Variants in CDKL5 observed in about 807,000 individuals in gnomAD.
CDKL5 encodes cyclin dependent kinase like 5.
In CDKL5, 8 loss-of-function variants were observed where a neutral mutation model predicts 61.7. That is an observed-to-expected ratio of 0.13 (90% CI 0.08 to 0.23). The LOEUF (loss-of-function observed/expected upper bound fraction) is 0.23. Ranked by LOEUF, CDKL5 falls within the 10% of genes least tolerant of loss-of-function variation. The pLI is 1.00. For synonymous variants in CDKL5, 275 were observed against 272.3 expected, an observed-to-expected ratio of 1.01 and a Z score of -0.10; for missense variants, 440 against 734.5, an observed-to-expected ratio of 0.60 and a Z score of 4.63.
At chrX:18,510,881 T>C (rs1313304790) in intron 3 of CDKL5, 27 bp downstream of exon 3, 22 of 1,056,504 alleles carry the variant, frequency 2.1e-5, no homozygotes, top group Non-Finnish European at 2.8e-5. Context: ...TAAAAAGAAA[T>C]ATCTGTATAT....
chrX:18,579,030 A>G (rs775006768), intron 5 of CDKL5, among the ~76,000 whole-genome samples: 13 of 111,575 alleles, frequency 1.2e-4, no homozygotes, highest in South Asian at 3.8e-4. Context: ...CAGTCTTATT[A>G]TGAATATAGT....
chrX:18,651,860 C>T (rs1928062947), intron 21 of CDKL5, among the ~76,000 whole-genome samples: 1 of 111,318 alleles, frequency 9.0e-6, no homozygotes, highest in African/African-American at 3.3e-5. Flanking sequence ...CCCCTTTCCT[C>T]TTCCTTCTGT....
Position 18,454,816 on chromosome X carries a change from A to C in CDKL5, c.-163+29121A>C, listed in dbSNP as rs916051535. ...AATGATCCACCTGCCTCATTATATC[A>C]TTTGAAAATGATATAATGTCATTGC... is the stretch of plus-strand genomic sequence containing the variant. On this transcript the variant is annotated intron_variant, in intron 1 of 17. Transcript: ENST00000623535. Among the ~76,000 whole-genome samples the C allele has an allele frequency of 1.2e-4, 13 of 109,945 alleles. No homozygotes were observed. The Admixed American group carries it at 1.3e-3, about 11-fold the overall frequency.
chrX:18,652,556 C>A (rs917879442), intron 21 of CDKL5, among the ~76,000 whole-genome samples: 2 of 111,519 alleles, frequency 1.8e-5, no homozygotes, highest in Non-Finnish European at 3.8e-5. Context: ...GTAATCCCAG[C>A]TACTTGGGAG....
chrX:18,588,649 A>G (rs1248517619), intron 9 of CDKL5: 1 of 114,036 alleles, frequency 8.8e-6, no homozygotes, highest in African/African-American at 3.3e-5. Context: ...ATGGTGGCTC[A>G]CTCCTGTAAT....
intron 1 of CDKL5, among the ~76,000 whole-genome samples, chrX:18,438,411 G>T (rs1389093447): frequency 9.0e-6 from 1 of 110,904 alleles, no homozygotes; most frequent in African/African-American, 3.3e-5. Context: ...GAAAGGAAAT[G>T]ACTCTTGAGT....
At chrX:18,521,391 T>A (rs1223336109) in intron 3 of CDKL5, among the ~76,000 whole-genome samples, 2 of 111,807 alleles carry the variant, frequency 1.8e-5, no homozygotes, top group Non-Finnish European at 1.9e-5. Context: ...GTCCAGTTTA[T>A]TTTTTCCTTT....
At chrX:18,512,832 C>G (rs949675854) in intron 3 of CDKL5, among the ~76,000 whole-genome samples, 4 of 110,734 alleles carry the variant, frequency 3.6e-5, no homozygotes, top group Non-Finnish European at 7.6e-5. Context: ...AAAAAAAATT[C>G]CTGGGTGGAT....
rs780287964 is a variant in CDKL5, at chrX:18,581,875, T to A, written c.404-16T>A. 21 of 1,141,613 alleles carry A rather than the reference T, an allele frequency of 1.8e-5. No homozygotes were observed. Among genetic ancestry groups the A allele is most frequent in the Non-Finnish European group, 2.4e-5 (20 of 834,053 alleles). The allele number at this position is 1,141,613 out of a possible 1,213,427, so 94.1% of individuals were successfully genotyped here. A position where few individuals can be genotyped will look rare whatever the true frequency, so the allele number is the denominator to read the frequency against. On this transcript the variant is annotated splice_polypyrimidine_tract_variant and intron_variant, in intron 6 of 17. Coordinates refer to ENST00000623535, the MANE Select transcript of CDKL5 (RefSeq NM_001323289.2). Reference sequence around the variant, plus strand: ...AGAACATTTTTACTAATTTTTTTTTTATCTTGACACTCCAGATATAAAACC... The same window carrying A: ...AGAACATTTTTACTAATTTTTTTTTAATCTTGACACTCCAGATATAAAACC...
chrX:18,441,206 A>G (rs1182620021), intron 1 of CDKL5, among the ~76,000 whole-genome samples: 1 of 111,357 alleles, frequency 9.0e-6, no homozygotes. Flanking sequence ...ACTTGAGTCT[A>G]GGAGTTCAAG....
chrX:18,449,202 A>G (rs1482900490), intron 1 of CDKL5, among the ~76,000 whole-genome samples: 1 of 112,286 alleles, frequency 8.9e-6, no homozygotes, highest in Admixed American at 9.5e-5. Flanking sequence ...AACTTGCTTC[A>G]GTGCTCCTTG....
At chrX:18,473,107 C>T (rs986255078) in intron 1 of CDKL5, among the ~76,000 whole-genome samples, 19 of 109,082 alleles carry the variant, frequency 1.7e-4, no homozygotes, top group African/African-American at 6.0e-4. Context: ...AGGCACATGC[C>T]ACCACGCCTG....
chrX:18,574,981 T>C (rs1254264887), intron 4 of CDKL5, among the ~76,000 whole-genome samples: 3 of 112,138 alleles, frequency 2.7e-5, no homozygotes, highest in Non-Finnish European at 5.6e-5. Context: ...TTAATCTCTT[T>C]CCTTCCTTGT....
At chrX:18,613,093 TAAAAAAAAAAA>T (rs368997720) in intron 14 of CDKL5, 48 bp from the exon 15 acceptor site, 11 of 766,993 alleles carry the variant, frequency 1.4e-5, no homozygotes, top group Admixed American at 1.2e-4. Flanking sequence ...AGACTCTGTC[TAAAAAAAAAAA>T]AAAAAAAAAA....
chrX:18,486,879 T>C (rs1181912116), intron 1 of CDKL5, among the ~76,000 whole-genome samples: 1 of 111,508 alleles, frequency 9.0e-6, no homozygotes, highest in African/African-American at 3.3e-5. Context: ...GTCGAAGATA[T>C]TGTCTCCTTA....
intron 1 of CDKL5, among the ~76,000 whole-genome samples, chrX:18,442,970 T>C (rs1442277441): frequency 2.7e-5 from 3 of 111,900 alleles, no homozygotes; most frequent in Non-Finnish European, 1.9e-5. Context: ...GACCAAGAGT[T>C]TGGAATGATT....
At chrX:18,429,916 G>A (rs935132496) in intron 1 of CDKL5, among the ~76,000 whole-genome samples, 3 of 112,207 alleles carry the variant, frequency 2.7e-5, no homozygotes, top group Non-Finnish European at 5.6e-5. Flanking sequence ...TGGACTACAG[G>A]CATGAGCCAC....
At chrX:18,555,428 C>T (rs868189368) in intron 3 of CDKL5, among the ~76,000 whole-genome samples, 1 of 111,911 alleles carries the variant, frequency 8.9e-6, no homozygotes, top group Non-Finnish European at 1.9e-5. Context: ...CAGATTCATT[C>T]GTAGTGATAA....
At chrX:18,527,578 ACT>A (rs758574907) in intron 3 of CDKL5, among the ~76,000 whole-genome samples, 3 of 110,244 alleles carry the variant, frequency 2.7e-5, no homozygotes, top group Non-Finnish European at 5.7e-5. Flanking sequence ...GGTAGTGATG[ACT>A]CTTCATTCAA....
Sources: gnomAD v4.1 joint callset for allele counts (sites outside exome capture counted in the v4.1 genomes callset) on GRCh38, gnomAD v4.1.1 for gene constraint, MANE v1.5 for transcripts, NCBI Gene and HGNC (gene_info 2026-07-23, HGNC 2026-07-21) for gene names.